The following WAC variants were observed in gnomAD, a reference collection of about 807,000 sequenced individuals.
The protein encoded by WAC is WW domain containing adaptor with coiled-coil.
In WAC, 11 loss-of-function variants were observed where a neutral mutation model predicts 79.6. The ratio of observed to expected loss-of-function variants is 0.14; its 90% CI spans 0.09 to 0.23. WAC has a LOEUF of 0.23. WAC is among the 10% of genes least tolerant of loss of function. The pLI is 1.00. For missense variants in WAC, 728 were observed against 773.5 expected, an observed-to-expected ratio of 0.94 and a Z score of 0.70; for synonymous variants, 304 against 276.9, an observed-to-expected ratio of 1.10 and a Z score of -0.97.
chr10:28,570,910 CTCT>C (rs893192151), intron 3 of WAC, among the ~76,000 whole-genome samples: 8 of 143,336 alleles, frequency 5.6e-5, no homozygotes, highest in Admixed American at 2.1e-4. Context: ...TCTAGAAAGA[CTCT>C]TCTTCTTTAG....
chr10:28,537,849 A>T (rs1021376342), intron 3 of WAC, among the ~76,000 whole-genome samples: 1 of 152,102 alleles, frequency 6.6e-6, no homozygotes, highest in Non-Finnish European at 1.5e-5. Context: ...AAAAATTTGC[A>T]TCTTTCCTGA....
chr10:28,587,924 CT>C (rs9335800), intron 4 of WAC, among the ~76,000 whole-genome samples: 4 of 150,372 alleles, frequency 2.7e-5, no homozygotes, highest in South Asian at 2.1e-4. Flanking sequence ...GTTCAGCTGA[CT>C]TTTTTTTTTC....
At chr10:28,581,647 C>G (rs1038426990) in intron 3 of WAC, among the ~76,000 whole-genome samples, 1 of 152,068 alleles carries the variant, frequency 6.6e-6, no homozygotes, top group Non-Finnish European at 1.5e-5. Flanking sequence ...CCTCGCCTCC[C>G]AGGTTCAAGT....
At chr10:28,583,337 A>G in intron 3 of WAC, 62 bp from the exon 4 acceptor site, 1 of 1,226,912 alleles carries the variant, frequency 8.2e-7, no homozygotes, top group Non-Finnish European at 1.1e-6. Context: ...GATAGAAAAC[A>G]GTTTAGATTA....
intron 6 of WAC, chr10:28,591,128 G>A: frequency 3.5e-6 from 1 of 289,022 alleles, no homozygotes; most frequent in Non-Finnish European, 6.5e-6. Context: ...CCAGACAGGA[G>A]CTTCCTCTCC....
At chr10:28,600,133 GAT>G (rs1245837557) in intron 7 of WAC, among the ~76,000 whole-genome samples, 1 of 152,138 alleles carries the variant, frequency 6.6e-6, no homozygotes, top group African/African-American at 2.4e-5. Context: ...TATTAGCAGA[GAT>G]AAATTTGAAA....
intron 7 of WAC, among the ~76,000 whole-genome samples, chr10:28,604,781 A>T (rs1214544847): frequency 1.3e-5 from 2 of 152,188 alleles, no homozygotes; most frequent in Non-Finnish European, 2.9e-5. Context: ...AGTACAAAGG[A>T]GGGATAATAA....
At chr10:28,535,827 G>GTATT in intron 3 of WAC, 70 bp downstream of exon 3, 1 of 1,313,418 alleles carries the variant, frequency 7.6e-7, no homozygotes, top group Non-Finnish European at 1.0e-6. Context: ...GGCGGCAGTA[G>GTATT]TATTTCTAGC....
chr10:28,595,100 T>G (rs1840289056), intron 6 of WAC, among the ~76,000 whole-genome samples: 1 of 152,232 alleles, frequency 6.6e-6, no homozygotes, highest in African/African-American at 2.4e-5. Flanking sequence ...CATCATGATT[T>G]TATTAACTCT....
chr10:28,562,512 G>C lies in WAC; in HGVS notation c.275-20887G>C, dbSNP rs530997835. On this transcript the variant is annotated intron_variant, in intron 3 of 13. Transcript: ENST00000354911. ...TCTGGTATTTTACAACATGATTTTT[G>C]GTCTGGTATGTATTGTCTTTGCACA... Among the ~76,000 whole-genome samples the C allele has an allele frequency of 2.0e-5, 3 of 152,160 alleles. No individual in the cohort carries two copies. In the East Asian group the frequency reaches 5.8e-4, roughly 29 times the overall value.
chr10:28,545,621 A>T (rs1470453908), intron 3 of WAC, among the ~76,000 whole-genome samples: 1 of 152,244 alleles, frequency 6.6e-6, no homozygotes, highest in African/African-American at 2.4e-5. Context: ...TATCATTAAC[A>T]GTCTGATTAT....
At chr10:28,590,078 T>C (rs1317560401) in intron 5 of WAC, among the ~76,000 whole-genome samples, 1 of 152,144 alleles carries the variant, frequency 6.6e-6, no homozygotes, top group African/African-American at 2.4e-5. Flanking sequence ...CCCAGAACTT[T>C]GGGAGGCCAA....
At chr10:28,594,816 T>C (rs1043314291) in intron 6 of WAC, among the ~76,000 whole-genome samples, 6 of 152,246 alleles carry the variant, frequency 3.9e-5, no homozygotes, top group Non-Finnish European at 7.3e-5. Context: ...ATTTTAATTC[T>C]TTAGTTATTG....
At chr10:28,553,641 A>G (rs1203450024) in intron 3 of WAC, among the ~76,000 whole-genome samples, 1 of 152,100 alleles carries the variant, frequency 6.6e-6, no homozygotes, top group Non-Finnish European at 1.5e-5. Flanking sequence ...TTTAAGTTAA[A>G]GTTTTAAGGT....
At chr10:28,568,527 C>T (rs1364736369) in intron 3 of WAC, among the ~76,000 whole-genome samples, 1 of 152,050 alleles carries the variant, frequency 6.6e-6, no homozygotes, top group African/African-American at 2.4e-5. Flanking sequence ...ATTACAGGCA[C>T]CCGCCACCAT....
chr10:28,616,490 A>G (rs1410859272), intron 12 of WAC, 128 bp downstream of exon 12: 2 of 831,920 alleles, frequency 2.4e-6, no homozygotes, highest in Non-Finnish European at 3.4e-6. Context: ...CTAACTTTGT[A>G]GTCATTTAAA....
Position 28,557,326 on chromosome 10 carries a change from A to G in WAC, c.274+21569A>G, listed in dbSNP as rs116395356. On this transcript the variant is annotated intron_variant, in intron 3 of 13. Coordinates refer to ENST00000354911, the MANE Select transcript of WAC (RefSeq NM_016628.5). ...ATGTGATAATATTATAAAACTGTCA[A>G]TATTATACAGTGTCATTAGCTATAT... Among the ~76,000 whole-genome samples the G allele has an allele frequency of 3.5e-3, 527 of 152,268 alleles. 2 individuals carry two copies. Among genetic ancestry groups the G allele is most frequent in the African/African-American group, 0.012 (500 of 41,512 alleles).
intron 7 of WAC, among the ~76,000 whole-genome samples, chr10:28,604,238 G>GT (rs60432336): frequency 0.044 from 5,939 of 136,488 alleles, 120 homozygotes; most frequent in Admixed American, 0.074. Context: ...ATTATCAGGT[G>GT]TTTTTTTTTT....
At chr10:28,614,435 C>T in intron 10 of WAC, 132 bp from the exon 11 acceptor site, 2 of 709,000 alleles carry the variant, frequency 2.8e-6, no homozygotes, top group Non-Finnish European at 4.8e-6. Flanking sequence ...GGGCCATTTT[C>T]ACAAAGAAAT....
Sources: allele counts gnomAD v4.1 joint callset (sites outside exome capture counted in the v4.1 genomes callset), GRCh38; gene constraint gnomAD v4.1.1; transcripts MANE v1.5; gene names NCBI Gene and HGNC (gene_info 2026-07-23, HGNC 2026-07-21).